DMD: variants seen among roughly 807,000 people sequenced by gnomAD.
DMD encodes the protein mutant dystrophin.
DMD carries 63 observed loss-of-function variants against 330.1 expected under a neutral mutation model. The ratio of observed to expected loss-of-function variants is 0.19; its 90% CI spans 0.16 to 0.24. DMD has a LOEUF of 0.24. Among genes scored for constraint, DMD ranks in the 10% least tolerant of loss-of-function variants. The pLI, the probability that DMD is intolerant of heterozygous loss-of-function variation, is 1.00. For synonymous variants in DMD, 1,223 were observed against 959.8 expected, an observed-to-expected ratio of 1.27 and a Z score of -5.07; for missense variants, 3,344 against 2,684.1, an observed-to-expected ratio of 1.25 and a Z score of -5.43.
In DMD at chrX:31,169,525, G is replaced by C; in HGVS notation, c.10471C>G (p.Pro3491Ala). The change falls in exon 74 of 79, where the codon CCT becomes GCT. Residue 3491 changes from proline (P) to alanine (A), a missense_variant. By Grantham distance (27) the Pro-to-Ala change is conservative. Transcript: ENST00000357033. ...QDSPLSQPRS[P>A]AQILISLESE... ...TCTAAGGAAATCAAGATCTGGGCAG[G>C]ACTACGAGGCTGGCTCAGGGGGGAG... The C allele has an allele frequency of 8.3e-7, 1 of 1,203,287 alleles. No homozygotes were observed. Among genetic ancestry groups the C allele is most frequent in the Non-Finnish European group, 1.1e-6 (1 of 888,953 alleles).
intron 26 of DMD, among the ~76,000 whole-genome samples, chrX:32,451,438 G>A (rs1359594968): frequency 7.2e-5 from 8 of 110,736 alleles, no homozygotes; most frequent in Middle Eastern, 4.7e-3. Context: ...TTTCCAGAGT[G>A]TTTTTCAAAG....
intron 16 of DMD, among the ~76,000 whole-genome samples, chrX:32,564,555 C>T (rs965636190): frequency 8.9e-6 from 1 of 111,765 alleles, no homozygotes; most frequent in East Asian, 2.8e-4. Context: ...CAATTAATTG[C>T]TAAAGTATGT....
intron 2 of DMD, among the ~76,000 whole-genome samples, chrX:32,876,685 A>T (rs773751835): frequency 4.5e-5 from 5 of 110,425 alleles, no homozygotes; most frequent in African/African-American, 1.6e-4. Context: ...GCTGAAAGAT[A>T]TTTTTTTTTA....
At chrX:32,973,896 T>G (rs1387695315) in intron 2 of DMD, among the ~76,000 whole-genome samples, 1 of 111,394 alleles carries the variant, frequency 9.0e-6, no homozygotes, top group African/African-American at 3.3e-5. Context: ...ACTTTTTTAT[T>G]TCTGTGCCTT....
chrX:33,137,662 C>G (rs188990643), intron 1 of DMD, among the ~76,000 whole-genome samples: 45 of 111,590 alleles, frequency 4.0e-4, no homozygotes, highest in African/African-American at 1.5e-3. Flanking sequence ...GTCTTTCTAA[C>G]AGTGCCTGTA....
chrX:31,455,959 C>T (rs1314440474), intron 59 of DMD, among the ~76,000 whole-genome samples: 1 of 111,420 alleles, frequency 9.0e-6, no homozygotes, highest in Non-Finnish European at 1.9e-5. Flanking sequence ...GGCATAGGAC[C>T]GGGGATCTCT....
At chrX:32,321,888 A>G (rs1240433397) in intron 41 of DMD, among the ~76,000 whole-genome samples, 1 of 111,726 alleles carries the variant, frequency 9.0e-6, no homozygotes, top group Non-Finnish European at 1.9e-5. Context: ...TACGGAAGGT[A>G]CATTTAATAA....
At chrX:31,487,745 A>C (rs2146963311) in intron 57 of DMD, among the ~76,000 whole-genome samples, 1 of 112,062 alleles carries the variant, frequency 8.9e-6, no homozygotes, top group African/African-American at 3.2e-5. Context: ...TCTGAATAAA[A>C]GTGAAGATAA....
intron 33 of DMD, among the ~76,000 whole-genome samples, chrX:32,385,045 GAAGA>G (rs1035515417): frequency 2.9e-4 from 32 of 110,975 alleles, no homozygotes; most frequent in African/African-American, 1.0e-3. Flanking sequence ...GGCAGATGTA[GAAGA>G]AAGAATCCCA....
chrX:31,122,909 T>A (rs1170077290), intron 78 of DMD, among the ~76,000 whole-genome samples: 1 of 111,891 alleles, frequency 8.9e-6, no homozygotes, highest in Non-Finnish European at 1.9e-5. Context: ...TTCGTCTATG[T>A]CCCATAGTTT....
chrX:31,764,753 A>C (rs1177208924), intron 51 of DMD, among the ~76,000 whole-genome samples: 1 of 111,827 alleles, frequency 8.9e-6, no homozygotes, highest in Non-Finnish European at 1.9e-5. Flanking sequence ...CCATAATTGA[A>C]GAGAGAAGAT....
At chrX:32,233,405 T>C (rs759653173) in intron 43 of DMD, among the ~76,000 whole-genome samples, 3 of 111,027 alleles carry the variant, frequency 2.7e-5, no homozygotes, top group Non-Finnish European at 5.7e-5. Flanking sequence ...CAAGATGTAC[T>C]AGATCAACAT....
At chrX:31,452,421 A>G (rs758505762) in intron 59 of DMD, among the ~76,000 whole-genome samples, 45 of 108,918 alleles carry the variant, frequency 4.1e-4, no homozygotes, top group Non-Finnish European at 7.6e-4. Flanking sequence ...TGTCTCTACT[A>G]AAAACAGAAA....
intron 50 of DMD, among the ~76,000 whole-genome samples, chrX:31,793,428 G>T (rs2091673308): frequency 1.8e-5 from 2 of 111,299 alleles, no homozygotes; most frequent in African/African-American, 6.6e-5. Flanking sequence ...CGTACAATGG[G>T]ATTATTTCCT....
chrX:32,055,057 A>G (rs2096157976), intron 44 of DMD, among the ~76,000 whole-genome samples: 1 of 111,990 alleles, frequency 8.9e-6, no homozygotes, highest in East Asian at 2.8e-4. Context: ...TTTAAAAACT[A>G]CAACAAAACA....
intron 2 of DMD, among the ~76,000 whole-genome samples, chrX:32,932,180 C>A (rs1418097947): frequency 8.9e-6 from 1 of 111,997 alleles, no homozygotes; most frequent in African/African-American, 3.2e-5. Flanking sequence ...CAATAGAATC[C>A]ATTTGAATGA....
At chrX:33,015,091 G>A (rs768483409) in intron 2 of DMD, among the ~76,000 whole-genome samples, 4 of 111,518 alleles carry the variant, frequency 3.6e-5, no homozygotes, top group Non-Finnish European at 7.5e-5. Flanking sequence ...TTAAACCATT[G>A]TGGAAGTCAG....
rs748245121 is a variant in DMD, at chrX:32,218,532, CT to C, written c.6291-1470del. Among the ~76,000 whole-genome samples the C allele has an allele frequency of 5.0e-3, 561 of 111,916 alleles. 2 individuals carry two copies. Among genetic ancestry groups the C allele is most frequent in the African/African-American group, 0.016 (502 of 30,875 alleles). ...TGAATACCATGATATCTTTTCAGTCCTCTACCTTCATTCAGGAATTTAAAGT... is the reference window on the plus strand; with the variant it reads ...TGAATACCATGATATCTTTTCAGTCCCTACCTTCATTCAGGAATTTAAAGT... On this transcript the variant is annotated intron_variant, in intron 43 of 78. Coordinates refer to ENST00000357033, the MANE Select transcript of DMD (RefSeq NM_004006.3).
chrX:32,917,346 C>A (rs1293974777), intron 2 of DMD, among the ~76,000 whole-genome samples: 1 of 111,376 alleles, frequency 9.0e-6, no homozygotes, highest in Admixed American at 9.6e-5. Flanking sequence ...TAAAAATGAA[C>A]TAATACAACA....
Sources: gnomAD v4.1 joint callset for allele counts (sites outside exome capture counted in the v4.1 genomes callset) on GRCh38, gnomAD v4.1.1 for gene constraint, MANE v1.5 for transcripts, NCBI Gene and HGNC (gene_info 2026-07-23, HGNC 2026-07-21) for gene names.